The following CDH9 variants were observed in gnomAD, a reference collection of about 807,000 sequenced individuals.
CDH9 encodes the protein cadherin-9.
Under a neutral mutation model 70.9 loss-of-function variants are expected in CDH9, and 28 were observed. The ratio of observed to expected loss-of-function variants is 0.40; its 90% confidence interval spans 0.29 to 0.54. CDH9 has a LOEUF of 0.54. CDH9 is among the 20% of genes least tolerant of loss of function. The pLI, the probability that CDH9 is intolerant of heterozygous loss-of-function variation, is 0.59. For missense variants in CDH9, 874 were observed against 984.4 expected, an observed-to-expected ratio of 0.89 and a Z score of 1.50; for synonymous variants, 409 against 343.1, an observed-to-expected ratio of 1.19 and a Z score of -2.12.
At chr5:27,035,846 G>C (rs1477235614) in intron 1 of CDH9, among the ~76,000 whole-genome samples, 1 of 151,526 alleles carries the variant, frequency 6.6e-6, no homozygotes, top group Non-Finnish European at 1.5e-5. Flanking sequence ...AGCAAAATTA[G>C]TCTTAAAGAA....
In CDH9 at chr5:26,954,702, T is replaced by TA. The variant is rs1476459486; in HGVS notation, c.228+33403dup. 2.1e-4 allele frequency among the ~76,000 whole-genome samples: 32 copies of TA among 152,268 alleles called. No individual in the cohort carries two copies. The South Asian group carries it at 5.8e-3, about 28-fold the overall frequency. On this transcript the variant is annotated intron_variant, in intron 2 of 11. Coordinates refer to ENST00000231021, the MANE Select transcript of CDH9 (RefSeq NM_016279.4). ...CCCAGCTCTATAACAGCCTTTTTTT[T>TA]ATTCTTGAAAAAAAACAAATTACCA...
chr5:27,000,384 G>C (rs898530995), intron 1 of CDH9, among the ~76,000 whole-genome samples: 6 of 152,066 alleles, frequency 3.9e-5, no homozygotes, highest in Non-Finnish European at 8.8e-5. Flanking sequence ...CATAGATATG[G>C]AGCAACAGTA....
intron 1 of CDH9, among the ~76,000 whole-genome samples, chr5:27,027,443 C>T (rs1331681581): frequency 6.6e-6 from 1 of 151,938 alleles, no homozygotes; most frequent in Non-Finnish European, 1.5e-5. Context: ...TGAACCATAA[C>T]CATCTTAAGA....
chr5:26,920,946 T>C (rs1215093562), intron 2 of CDH9, among the ~76,000 whole-genome samples: 1 of 152,190 alleles, frequency 6.6e-6, no homozygotes. Flanking sequence ...AACTCTTTAA[T>C]GCTTTGTCAC....
At chr5:26,884,822 T>C (rs532572123) in intron 11 of CDH9, among the ~76,000 whole-genome samples, 34 of 152,278 alleles carry the variant, frequency 2.2e-4, no homozygotes, top group African/African-American at 6.7e-4. Flanking sequence ...TTTTGGGGAA[T>C]GTTTTCCAGT....
At chr5:26,973,050 G>C (rs1322813689) in intron 2 of CDH9, among the ~76,000 whole-genome samples, 12 of 152,180 alleles carry the variant, frequency 7.9e-5, no homozygotes, top group African/African-American at 2.9e-4. Flanking sequence ...TTTTAGTAGA[G>C]ATGGGGTTTC....
chr5:27,023,791 C>A (rs938600699), intron 1 of CDH9, among the ~76,000 whole-genome samples: 1 of 151,962 alleles, frequency 6.6e-6, no homozygotes, highest in Non-Finnish European at 1.5e-5. Context: ...GTGGCTCAAG[C>A]CTGTAATCAC....
intron 2 of CDH9, among the ~76,000 whole-genome samples, chr5:26,941,401 C>T (rs929387226): frequency 6.6e-6 from 1 of 152,170 alleles, no homozygotes; most frequent in East Asian, 1.9e-4. Flanking sequence ...TATGCCCCTT[C>T]GGGATGACAG....
chr5:27,012,204 T>C (rs1185416334), intron 1 of CDH9, among the ~76,000 whole-genome samples: 1 of 151,970 alleles, frequency 6.6e-6, no homozygotes, highest in Non-Finnish European at 1.5e-5. Flanking sequence ...TTACTTAAAA[T>C]ATGTAATTCT....
chr5:26,891,398 ACCAGGTGCGGTGGCTCACG>A (rs1178325457), intron 7 of CDH9, among the ~76,000 whole-genome samples: 1 of 152,014 alleles, frequency 6.6e-6, no homozygotes, highest in Non-Finnish European at 1.5e-5. Flanking sequence ...GAATGGGAAG[ACCAGGTGCGGTGGCTCACG>A]CCTGTAATCC....
chr5:26,921,723 C>T (rs768533907), intron 2 of CDH9, among the ~76,000 whole-genome samples: 3 of 152,090 alleles, frequency 2.0e-5, no homozygotes, highest in African/African-American at 4.8e-5. Flanking sequence ...TCAGTAAATT[C>T]TCTATTTTTG....
rs1303778672 is a variant in CDH9, at chr5:26,883,094, TAA to T, written c.1883-1473_1883-1472del. Among the ~76,000 whole-genome samples, 136 of 100,316 alleles carry T rather than the reference TAA, an allele frequency of 1.4e-3. 4 individuals are homozygous for T. Among genetic ancestry groups the T allele is most frequent in the African/African-American group, 4.1e-3 (99 of 24,110 alleles). 65.8% of individuals were successfully genotyped at this position (100,316 alleles called of 152,430 possible). On this transcript the variant is annotated intron_variant, in intron 11 of 11. Transcript: ENST00000231021. ...ATATATATATATATATATATATATA[TAA>T]AACTGCAGTAAAAATGAGACCTCTG...
At chr5:26,936,825 A>C (rs1741566731) in intron 2 of CDH9, among the ~76,000 whole-genome samples, 1 of 151,900 alleles carries the variant, frequency 6.6e-6, no homozygotes, top group Non-Finnish European at 1.5e-5. Context: ...CTGCATTGAA[A>C]AATTAATATA....
chr5:26,918,013 C>G (rs1348685485), intron 2 of CDH9, among the ~76,000 whole-genome samples: 1 of 152,044 alleles, frequency 6.6e-6, no homozygotes, highest in East Asian at 1.9e-4. Context: ...CTTTTTAAAA[C>G]TTTACTTTTA....
intron 2 of CDH9, among the ~76,000 whole-genome samples, chr5:26,940,754 G>A (rs1211913190): frequency 6.6e-6 from 1 of 151,980 alleles, no homozygotes; most frequent in Admixed American, 6.6e-5. Context: ...ATAGAACAGT[G>A]GAATTGATTT....
chr5:26,991,027 C>T (rs373482803), intron 1 of CDH9, among the ~76,000 whole-genome samples: 72 of 152,020 alleles, frequency 4.7e-4, no homozygotes, highest in Non-Finnish European at 4.6e-4. Flanking sequence ...ATTTTCAGTG[C>T]GATTGAAAGC....
chr5:26,908,588 T>C (rs1159522347), intron 3 of CDH9, among the ~76,000 whole-genome samples: 1 of 152,206 alleles, frequency 6.6e-6, no homozygotes, highest in African/African-American at 2.4e-5. Context: ...ATCTTTTATG[T>C]TTATTTGACT....
intron 2 of CDH9, among the ~76,000 whole-genome samples, chr5:26,972,096 T>C (rs1742229013): frequency 6.6e-6 from 1 of 152,110 alleles, no homozygotes; most frequent in Non-Finnish European, 1.5e-5. Flanking sequence ...GCAAGAGTCA[T>C]TAAAATCTTT....
intron 3 of CDH9, among the ~76,000 whole-genome samples, chr5:26,913,282 A>G (rs1230791526): frequency 6.6e-6 from 1 of 152,160 alleles, no homozygotes; most frequent in Non-Finnish European, 1.5e-5. Flanking sequence ...CATATTGTAT[A>G]TAATATATTA....
Sources: gnomAD v4.1 joint callset for allele counts (sites outside exome capture counted in the v4.1 genomes callset) on GRCh38, gnomAD v4.1.1 for gene constraint, MANE v1.5 for transcripts, NCBI Gene and HGNC (gene_info 2026-07-23, HGNC 2026-07-21) for gene names.